Variants in HEMK2 observed in about 807,000 individuals in gnomAD.
The protein encoded by HEMK2 is HemK methyltransferase 2, ETF1 glutamine and histone H4 lysine.
At chr21:28,665,100 A>G in the HEMK2 span, among the ~76,000 whole-genome samples, 2 of 150,598 alleles carry the variant, frequency 1.3e-5, no homozygotes, top group African/African-American at 2.4e-5. Context: ...CAACATGGTA[A>G]GTCCTCATTT....
chr21:28,698,863 T>A, the HEMK2 span, among the ~76,000 whole-genome samples: 2 of 152,214 alleles, frequency 1.3e-5, no homozygotes, highest in Non-Finnish European at 2.9e-5. Flanking sequence ...CAATTATGTT[T>A]TTAAAAAGAC....
the HEMK2 span, among the ~76,000 whole-genome samples, chr21:28,850,479 C>G: frequency 1.3e-5 from 2 of 152,134 alleles, no homozygotes; most frequent in Admixed American, 6.5e-5. Flanking sequence ...CTGCCTCGGC[C>G]TCCCAAAGTG....
At chr21:28,717,637 C>G in the HEMK2 span, among the ~76,000 whole-genome samples, 1 of 151,738 alleles carries the variant, frequency 6.6e-6, no homozygotes. Flanking sequence ...ATGCCACCAC[C>G]TCCAGCTAAT....
At chr21:28,831,290 A>G in the HEMK2 span, among the ~76,000 whole-genome samples, 36 of 151,556 alleles carry the variant, frequency 2.4e-4, 1 homozygote, top group South Asian at 7.5e-3. Flanking sequence ...TACTAAAAAT[A>G]CAAAAATTAG....
chr21:28,844,494 A>G, the HEMK2 span, among the ~76,000 whole-genome samples: 1 of 152,202 alleles, frequency 6.6e-6, no homozygotes, highest in Admixed American at 6.6e-5. Flanking sequence ...GTATAGCACT[A>G]ATCATTATTT....
chr21:28,866,148 G>GAAAAAAAAAAAAAA, the HEMK2 span, among the ~76,000 whole-genome samples: 9 of 17,484 alleles, frequency 5.1e-4, 3 homozygotes, highest in African/African-American at 1.3e-3. Context: ...TGTCTCTACA[G>GAAAAAAAAAAAAAA]AAAAAACAAA....
chr21:28,781,322 T>C, the HEMK2 span, among the ~76,000 whole-genome samples: 1 of 152,214 alleles, frequency 6.6e-6, no homozygotes, highest in East Asian at 1.9e-4. Flanking sequence ...TTTCAACCTG[T>C]TCATCCATCT....
the HEMK2 span, among the ~76,000 whole-genome samples, chr21:28,741,159 TG>T: frequency 1.3e-5 from 2 of 152,184 alleles, no homozygotes; most frequent in African/African-American, 4.8e-5. Flanking sequence ...ATGGGTCCCA[TG>T]GGAAGAAATG....
chr21:28,728,917 C>T, the HEMK2 span, among the ~76,000 whole-genome samples: 1 of 152,198 alleles, frequency 6.6e-6, no homozygotes, highest in Non-Finnish European at 1.5e-5. Context: ...CACTCTCCAC[C>T]CTCCAGGGAG....
At chr21:28,649,683 T>A in the HEMK2 span, among the ~76,000 whole-genome samples, 1 of 152,136 alleles carries the variant, frequency 6.6e-6, no homozygotes, top group Non-Finnish European at 1.5e-5. Flanking sequence ...TCAAAGGCGG[T>A]AACATTTTAT....
the HEMK2 span, among the ~76,000 whole-genome samples, chr21:28,657,821 A>C: frequency 6.6e-6 from 1 of 152,064 alleles, no homozygotes; most frequent in Non-Finnish European, 1.5e-5. Context: ...AAATAATGGT[A>C]TCTTGGGCCA....
the HEMK2 span, among the ~76,000 whole-genome samples, chr21:28,652,273 G>C: frequency 6.6e-6 from 1 of 152,102 alleles, no homozygotes; most frequent in Non-Finnish European, 1.5e-5. Flanking sequence ...TCTTCACTGG[G>C]GAAATCCCGA....
chr21:28,706,921 A>G, the HEMK2 span, among the ~76,000 whole-genome samples: 8 of 99,324 alleles, frequency 8.1e-5, no homozygotes, highest in Admixed American at 7.9e-4. Flanking sequence ...AGATAAATAT[A>G]CTCTGGTGAA....
the HEMK2 span, among the ~76,000 whole-genome samples, chr21:28,781,486 T>G: frequency 5.6e-3 from 1 of 178 alleles, no homozygotes; most frequent in African/African-American, 0.02. Flanking sequence ...CTTGAAGGAT[T>G]TCACAGAACT....
At chr21:28,631,617 A>G in the HEMK2 span, among the ~76,000 whole-genome samples, 1 of 152,208 alleles carries the variant, frequency 6.6e-6, no homozygotes, top group Admixed American at 6.5e-5. Context: ...TTAATCCTTT[A>G]TATGAAACTA....
At chr21:28,705,002 G>GCTAT in the HEMK2 span, among the ~76,000 whole-genome samples, 1 of 152,108 alleles carries the variant, frequency 6.6e-6, no homozygotes, top group Non-Finnish European at 1.5e-5. Context: ...CTTCACTGCT[G>GCTAT]CTATCGTTCG....
At chr21:28,698,415 AAT>A in the HEMK2 span, among the ~76,000 whole-genome samples, 2 of 152,230 alleles carry the variant, frequency 1.3e-5, no homozygotes, top group Admixed American at 1.3e-4. Flanking sequence ...CATTACAAAT[AAT>A]ATGTTAGTGC....
chr21:28,700,443 G>T, the HEMK2 span, among the ~76,000 whole-genome samples: 1 of 151,994 alleles, frequency 6.6e-6, no homozygotes, highest in Non-Finnish European at 1.5e-5. Context: ...AACACAATCA[G>T]AAATAACCAT....
chr21:28,798,491 T>G, the HEMK2 span, among the ~76,000 whole-genome samples: 1 of 150,220 alleles, frequency 6.7e-6, no homozygotes, highest in Non-Finnish European at 1.5e-5. Flanking sequence ...TGCTAATAAC[T>G]GAATAAGTAA....
Sources: gnomAD v4.1 joint callset for allele counts (sites outside exome capture counted in the v4.1 genomes callset) on GRCh38, gnomAD v4.1.1 for gene constraint, MANE v1.5 for transcripts, NCBI Gene and HGNC (gene_info 2026-07-23, HGNC 2026-07-21) for gene names.